Variants in NAALADL2 observed in about 807,000 individuals in gnomAD.
The protein encoded by NAALADL2 is inactive N-acetylated-alpha-linked acidic dipeptidase-like protein 2.
In NAALADL2, 76 loss-of-function variants were observed where a neutral mutation model predicts 87.2. The observed-to-expected ratio is 0.87, with a 90% CI of 0.72 to 1.05. The LOEUF is 1.05. Ranked by LOEUF, NAALADL2 falls within the 50% of genes least tolerant of loss-of-function variation. NAALADL2 has a pLI of 0.00. For synonymous variants in NAALADL2, 354 were observed against 331.0 expected (o/e 1.07, Z -0.75); for missense variants, 1,089 against 945.8 (o/e 1.15, Z -1.99).
chr3:175,703,232 A>T (rs1245331159), intron 11 of NAALADL2, among the ~76,000 whole-genome samples: 1 of 152,136 alleles, frequency 6.6e-6, no homozygotes, highest in Non-Finnish European at 1.5e-5. Flanking sequence ...TTTTAAGTAG[A>T]GAGAAATTTC....
chr3:175,137,000 C>T (rs1381112276), intron 2 of NAALADL2, among the ~76,000 whole-genome samples: 1 of 152,078 alleles, frequency 6.6e-6, no homozygotes, highest in African/African-American at 2.4e-5. Context: ...TGATAAACCC[C>T]CAATTAAACT....
chr3:174,754,214 C>T (rs1337992606), intron 3 of NAALADL2, among the ~76,000 whole-genome samples: 1 of 151,904 alleles, frequency 6.6e-6, no homozygotes, highest in Non-Finnish European at 1.5e-5. Flanking sequence ...ACTGGAAATA[C>T]TAAGAAAATA....
chr3:175,657,962 A>G (rs1172423443), intron 11 of NAALADL2, among the ~76,000 whole-genome samples: 2 of 151,854 alleles, frequency 1.3e-5, no homozygotes, highest in Admixed American at 1.3e-4. Flanking sequence ...AACTTAATCT[A>G]ATATGTATGT....
intron 1 of NAALADL2, among the ~76,000 whole-genome samples, chr3:174,879,752 A>G (rs1728960947): frequency 6.6e-6 from 1 of 151,898 alleles, no homozygotes; most frequent in African/African-American, 2.4e-5. Flanking sequence ...CCCTTTAAAT[A>G]ATTGTTCTTA....
intron 1 of NAALADL2, among the ~76,000 whole-genome samples, chr3:175,043,545 G>A (rs1278495372): frequency 1.3e-5 from 2 of 152,062 alleles, no homozygotes; most frequent in East Asian, 1.9e-4. Flanking sequence ...CCTGGTTTAG[G>A]TCTTTAATCT....
At chr3:175,685,140 A>T (rs748493950) in intron 11 of NAALADL2, among the ~76,000 whole-genome samples, 4 of 152,118 alleles carry the variant, frequency 2.6e-5, no homozygotes, top group Non-Finnish European at 5.9e-5. Context: ...AGCTCTTTGG[A>T]TCCCTCCCAT....
intron 5 of NAALADL2, among the ~76,000 whole-genome samples, chr3:175,423,028 A>AAAAAAAATATATAT (rs1438736874): frequency 2.3e-4 from 26 of 111,292 alleles, no homozygotes; most frequent in East Asian, 5.5e-4. Context: ...GAAAAAAAAA[A>AAAAAAAATATATAT]ATATATATAT....
At chr3:175,386,495 CT>C (rs773283817) in intron 5 of NAALADL2, among the ~76,000 whole-genome samples, 3,803 of 144,950 alleles carry the variant, frequency 0.026, 143 homozygotes, top group African/African-American at 0.082. Flanking sequence ...CATGTATCAT[CT>C]TTTTTTTTTT....
intron 3 of NAALADL2, among the ~76,000 whole-genome samples, chr3:174,754,121 T>C (rs1367708842): frequency 1.3e-5 from 2 of 152,208 alleles, no homozygotes; most frequent in Non-Finnish European, 1.5e-5. Context: ...ATTTCATGTA[T>C]GGAAGCCTCT....
At chr3:175,743,273 T>A (rs1745494310) in intron 12 of NAALADL2, among the ~76,000 whole-genome samples, 1 of 152,218 alleles carries the variant, frequency 6.6e-6, no homozygotes, top group Non-Finnish European at 1.5e-5. Flanking sequence ...AGTGCTGGGA[T>A]TACAGGCATG....
intron 1 of NAALADL2, among the ~76,000 whole-genome samples, chr3:174,984,752 C>G (rs1329265503): frequency 3.9e-5 from 6 of 151,958 alleles, no homozygotes; most frequent in Admixed American, 3.9e-4. Context: ...GGTAAATGAA[C>G]TCATCATAGG....
At chr3:175,563,137 T>G (rs1392498774) in intron 9 of NAALADL2, among the ~76,000 whole-genome samples, 4 of 152,168 alleles carry the variant, frequency 2.6e-5, no homozygotes, top group Non-Finnish European at 5.9e-5. Flanking sequence ...TTTTCACATT[T>G]GGGAAATTCA....
In NAALADL2 at chr3:175,210,947, T is replaced by C. The variant is rs553897238; in HGVS notation, c.546-22984T>C. ...TTGACATTTTTCATACTTACTATAT[T>C]TGACTGGTGTTTCAATAAGACCTAA... On this transcript the variant is annotated intron_variant, in intron 2 of 13. Transcript: ENST00000454872. Among the ~76,000 whole-genome samples, 16 of 151,952 alleles carry C rather than the reference T, an allele frequency of 1.1e-4. No individual in the cohort carries two copies. The South Asian group carries it at 1.9e-3, about 18-fold the overall frequency.
chr3:174,871,755 T>C (rs550550320), intron 1 of NAALADL2, among the ~76,000 whole-genome samples: 21 of 152,198 alleles, frequency 1.4e-4, no homozygotes, highest in African/African-American at 5.1e-4. Context: ...AACAGTTAGC[T>C]GGGCGTGGTG....
rs141401118 is a variant in NAALADL2 at position 174,871,759 on chromosome 3, C to T, written c.43+12309C>T. ...ACTAAAAATACAACAGTTAGCTGGG[C>T]GTGGTGGTGCATGCCTGTAGTCCCA... is the stretch of plus-strand genomic sequence containing the variant. On this transcript the variant is annotated intron_variant, in intron 1 of 13. Transcript: ENST00000454872. Among the ~76,000 whole-genome samples, 734 of 152,114 alleles carry T rather than the reference C, an allele frequency of 4.8e-3. 5 individuals carry two copies. Among genetic ancestry groups the T allele is most frequent in the Non-Finnish European group, 6.4e-3 (433 of 68,004 alleles).
intron 1 of NAALADL2, among the ~76,000 whole-genome samples, chr3:174,501,344 C>T (rs561560893): frequency 9.1e-5 from 13 of 143,098 alleles, no homozygotes; most frequent in African/African-American, 3.7e-4. Flanking sequence ...TTCCAAAGTG[C>T]TGGGATTACA....
At chr3:174,959,606 A>C (rs754537798) in intron 1 of NAALADL2, among the ~76,000 whole-genome samples, 11 of 152,068 alleles carry the variant, frequency 7.2e-5, no homozygotes, top group Non-Finnish European at 1.3e-4. Flanking sequence ...GGAAAAGCAA[A>C]GAAATTGCAA....
chr3:175,111,724 A>C (rs1448734395), intron 2 of NAALADL2, among the ~76,000 whole-genome samples: 1 of 151,708 alleles, frequency 6.6e-6, no homozygotes, highest in Non-Finnish European at 1.5e-5. Flanking sequence ...CACTTGATCC[A>C]ATGCTGCTGC....
intron 2 of NAALADL2, among the ~76,000 whole-genome samples, chr3:175,226,210 A>G (rs1744138549): frequency 6.6e-6 from 1 of 152,102 alleles, no homozygotes. Context: ...CTGGCAGATA[A>G]TCCATTTCTG....
Sources: allele counts gnomAD v4.1 joint callset (sites outside exome capture counted in the v4.1 genomes callset), GRCh38; gene constraint gnomAD v4.1.1; transcripts MANE v1.5; gene names NCBI Gene and HGNC (gene_info 2026-07-23, HGNC 2026-07-21).